Variants in ITPK1 observed in about 807,000 individuals in gnomAD.
The protein encoded by ITPK1 is inositol-tetrakisphosphate 1-kinase.
In ITPK1, 21 loss-of-function variants were observed where a neutral mutation model predicts 45.3. The ratio of observed to expected loss-of-function variants is 0.46; its 90% CI spans 0.33 to 0.67. The LOEUF is 0.67. Ranked by LOEUF, ITPK1 falls within the 30% of genes least tolerant of loss-of-function variation. ITPK1 has a pLI of 0.02. For synonymous variants in ITPK1, 258 were observed against 253.6 expected (o/e 1.02, Z -0.16); for missense variants, 474 against 573.5 (o/e 0.83, Z 1.77).
intron 9 of ITPK1, among the ~76,000 whole-genome samples, chr14:92,951,288 G>C (rs1198570918): frequency 6.6e-6 from 1 of 152,252 alleles, no homozygotes; most frequent in East Asian, 1.9e-4. Context: ...GGTGAGGTCA[G>C]AAGTCCTAAA....
In ITPK1 at chr14:93,039,666, C is replaced by T. The variant is rs368946075; in HGVS notation, c.121-22865G>A. ...GTGACCACTGAATGGGGGACCAGGA[C>T]GCACCTACACCTCACAGGGTCGCTG... On this transcript the variant is annotated intron_variant, in intron 3 of 10. Transcript: ENST00000267615. 2.6e-5 allele frequency among the ~76,000 whole-genome samples: 4 copies of T among 152,314 alleles called. 1 individual carries two copies. In the South Asian group the frequency reaches 6.2e-4, roughly 24 times the overall value.
intron 2 of ITPK1, among the ~76,000 whole-genome samples, chr14:93,105,034 G>A (rs975845440): frequency 6.6e-6 from 1 of 152,228 alleles, no homozygotes; most frequent in African/African-American, 2.4e-5. Context: ...CCAGCAGCCA[G>A]AGGCAAGAAA....
intron 8 of ITPK1, among the ~76,000 whole-genome samples, chr14:92,952,371 C>T (rs1005163578): frequency 3.9e-5 from 6 of 152,204 alleles, no homozygotes; most frequent in African/African-American, 7.2e-5. Context: ...CTGAATATCA[C>T]GGCCAGAGAG....
chr14:93,084,393 G>T (rs770575297), intron 2 of ITPK1, among the ~76,000 whole-genome samples: 1 of 152,218 alleles, frequency 6.6e-6, no homozygotes, highest in Non-Finnish European at 1.5e-5. Context: ...AAGGGCCCCT[G>T]TAATGCAGAG....
At chr14:93,103,296 G>A (rs1474260416) in intron 2 of ITPK1, among the ~76,000 whole-genome samples, 11 of 151,990 alleles carry the variant, frequency 7.2e-5, no homozygotes, top group African/African-American at 2.7e-4. Context: ...GCGCGTGCTT[G>A]TAATCCCAGC....
intron 10 of ITPK1, 113 bp downstream of exon 10, chr14:92,946,218 G>A (rs1887678930): frequency 2.4e-6 from 3 of 1,258,944 alleles, no homozygotes; most frequent in East Asian, 4.7e-5. Flanking sequence ...CCCGGACCTC[G>A]TGGTGAGGGA....
chr14:93,104,694 C>T (rs1892453746), intron 2 of ITPK1, among the ~76,000 whole-genome samples: 1 of 152,168 alleles, frequency 6.6e-6, no homozygotes, highest in Non-Finnish European at 1.5e-5. Context: ...GGGTAGTTAT[C>T]CCATCTGCAA....
intron 8 of ITPK1, among the ~76,000 whole-genome samples, chr14:92,957,486 T>G (rs1216061573): frequency 6.6e-6 from 1 of 152,156 alleles, no homozygotes; most frequent in Non-Finnish European, 1.5e-5. Context: ...GAGAGGGCGG[T>G]GAGCAGCTGG....
At chr14:93,051,845 T>C (rs1206059146) in intron 3 of ITPK1, among the ~76,000 whole-genome samples, 7 of 152,190 alleles carry the variant, frequency 4.6e-5, no homozygotes, top group Non-Finnish European at 1.0e-4. Context: ...GCTAACTCAC[T>C]CCCTAATCCC....
chr14:92,979,224 G>A (rs761472821), intron 5 of ITPK1, among the ~76,000 whole-genome samples: 3 of 152,226 alleles, frequency 2.0e-5, no homozygotes, highest in African/African-American at 7.2e-5. Context: ...CTCCCTCTTG[G>A]AATTGGGTCT....
At chr14:93,018,834 T>G (rs1057403471) in intron 3 of ITPK1, among the ~76,000 whole-genome samples, 2 of 152,266 alleles carry the variant, frequency 1.3e-5, no homozygotes, top group Non-Finnish European at 1.5e-5. Flanking sequence ...AGCAAGGCCA[T>G]GCAGGTGAAG....
chr14:92,951,852 A>G (rs909504603), intron 9 of ITPK1, 94 bp downstream of exon 9: 2 of 970,078 alleles, frequency 2.1e-6, no homozygotes, highest in Admixed American at 2.0e-5. Context: ...ACCCTGCTGG[A>G]GAGCTTGGCC....
chr14:93,053,713 G>A (rs919169238), intron 3 of ITPK1, among the ~76,000 whole-genome samples: 3 of 152,214 alleles, frequency 2.0e-5, no homozygotes, highest in Non-Finnish European at 4.4e-5. Context: ...GATGTTGACA[G>A]TAAGGGGGGC....
In ITPK1 at chr14:93,005,292, T is replaced by C. The variant is rs146425810; in HGVS notation, c.247-11295A>G. On this transcript the variant is annotated intron_variant, in intron 4 of 10. Coordinates refer to ENST00000267615, the MANE Select transcript of ITPK1 (RefSeq NM_014216.6). ...TTGGTAGAGCTGGCAAAAAGAAAAC[T>C]CTGATGCAATCTGCCTCTAGGTCTA... Among the ~76,000 whole-genome samples the C allele has an allele frequency of 2.5e-3, 382 of 152,212 alleles. 2 individuals carry two copies. The highest frequency in any genetic ancestry group is 8.6e-3 in the African/African-American group (357 of 41,524).
rs1223467673 is a variant in ITPK1, at chr14:93,014,834, T to C, written c.246+1842A>G. On this transcript the variant is annotated intron_variant, in intron 4 of 10. Transcript: ENST00000267615. The surrounding 1 kb of genome is among the most constrained non-coding windows in gnomAD (Gnocchi z 4.4). ...GCCATGAAGCGCTTTCGAGCAGGGC[T>C]TGGTAAGCGGTAACTGCTCTGCAGT... 6.6e-6 allele frequency among the ~76,000 whole-genome samples: 1 copy of C among 152,234 alleles called. No homozygotes were observed. The highest frequency in any genetic ancestry group is 1.5e-5 in the Non-Finnish European group (1 of 68,038).
chr14:93,028,277 C>A (rs951484920), intron 3 of ITPK1, among the ~76,000 whole-genome samples: 2 of 152,226 alleles, frequency 1.3e-5, no homozygotes, highest in Non-Finnish European at 2.9e-5. Context: ...GGAGTGAACA[C>A]AGATTCTTGA....
At chr14:93,059,081 G>A (rs138159903) in intron 3 of ITPK1, among the ~76,000 whole-genome samples, 115 of 9,712 alleles carry the variant, frequency 0.012, 9 homozygotes, top group South Asian at 0.041. Context: ...CGAGGGGGGT[G>A]GAGGGGGTGC....
chr14:92,984,436 T>A (rs771849373), intron 5 of ITPK1, among the ~76,000 whole-genome samples: 1 of 152,240 alleles, frequency 6.6e-6, no homozygotes, highest in Non-Finnish European at 1.5e-5. Context: ...ATATTTTCCA[T>A]CTCTGAAATT....
At chr14:93,054,917 G>A (rs894943261) in intron 3 of ITPK1, among the ~76,000 whole-genome samples, 2 of 152,104 alleles carry the variant, frequency 1.3e-5, no homozygotes, top group Non-Finnish European at 2.9e-5. Context: ...TGGCACCCAA[G>A]AGGAAGACTG....
Sources: allele counts gnomAD v4.1 joint callset (sites outside exome capture counted in the v4.1 genomes callset), GRCh38; gene constraint gnomAD v4.1.1; non-coding constraint Gnocchi (gnomAD v3.1); transcripts MANE v1.5; gene names NCBI Gene and HGNC (gene_info 2026-07-23, HGNC 2026-07-21).